The following PTPRD variants were observed in gnomAD, a reference collection of about 807,000 sequenced individuals.
The protein encoded by PTPRD is receptor-type tyrosine-protein phosphatase delta.
PTPRD carries 34 observed loss-of-function variants against 214.5 expected under a neutral mutation model. That is an observed-to-expected ratio of 0.16 (90% CI 0.12 to 0.21). The LOEUF (loss-of-function observed/expected upper bound fraction) is 0.21, where lower values mean the gene tolerates loss of function less well. PTPRD is among the 10% of genes least tolerant of loss of function. The pLI, the probability that PTPRD is intolerant of heterozygous loss-of-function variation, is 1.00. For missense variants in PTPRD, 2,545 were observed against 2,398.7 expected (o/e 1.06, Z -1.27); for synonymous variants, 1,128 against 845.7 (o/e 1.33, Z -5.79).
intron 5 of PTPRD, among the ~76,000 whole-genome samples, chr9:9,837,866 C>A (rs1452524094): frequency 1.3e-5 from 2 of 152,126 alleles, no homozygotes; most frequent in East Asian, 3.9e-4. Flanking sequence ...GCGCTGCACC[C>A]ATTAACTCGT....
intron 10 of PTPRD, among the ~76,000 whole-genome samples, chr9:9,028,271 C>G (rs183334008): frequency 7.2e-5 from 11 of 151,936 alleles, no homozygotes; most frequent in Non-Finnish European, 1.6e-4. Context: ...TAAATTATGT[C>G]TTCCGTAATA....
chr9:10,589,244 C>T (rs1161155811), intron 2 of PTPRD, among the ~76,000 whole-genome samples: 2 of 151,916 alleles, frequency 1.3e-5, no homozygotes, highest in African/African-American at 4.8e-5. Context: ...TCTGGAGAAA[C>T]CTTGTTATCA....
At chr9:9,568,375 T>A (rs891247942) in intron 8 of PTPRD, among the ~76,000 whole-genome samples, 1 of 151,892 alleles carries the variant, frequency 6.6e-6, no homozygotes, top group Non-Finnish European at 1.5e-5. Context: ...GCTTCCTAAG[T>A]TCCACAAATA....
At chr9:8,603,750 A>G in intron 14 of PTPRD, among the ~76,000 whole-genome samples, 1 of 152,228 alleles carries the variant, frequency 6.6e-6, no homozygotes, top group East Asian at 1.9e-4. Context: ...TATCAATAAT[A>G]AAGTATTAAT....
intron 3 of PTPRD, among the ~76,000 whole-genome samples, chr9:10,092,368 G>T (rs1374072025): frequency 1.3e-5 from 2 of 151,240 alleles, no homozygotes; most frequent in Non-Finnish European, 3.0e-5. Flanking sequence ...GAACATTGTA[G>T]ACCAATCCAT....
chr9:9,002,338 G>T (rs990419526), intron 11 of PTPRD, among the ~76,000 whole-genome samples: 2 of 151,804 alleles, frequency 1.3e-5, no homozygotes, highest in African/African-American at 2.4e-5. Flanking sequence ...ATAATGAAAA[G>T]AATTAAAAGA....
chr9:9,816,427 G>T (rs188861074), intron 5 of PTPRD, among the ~76,000 whole-genome samples: 6 of 151,980 alleles, frequency 3.9e-5, no homozygotes. Flanking sequence ...GCTATCTAAT[G>T]CATCATAATT....
chr9:9,090,177 G>C (rs1482856298), intron 10 of PTPRD, among the ~76,000 whole-genome samples: 1 of 152,012 alleles, frequency 6.6e-6, no homozygotes, highest in Non-Finnish European at 1.5e-5. Context: ...TTGTATGTTT[G>C]TACCCATTAA....
chr9:8,948,804 G>T (rs939514606), intron 11 of PTPRD, among the ~76,000 whole-genome samples: 4 of 151,030 alleles, frequency 2.6e-5, no homozygotes, highest in African/African-American at 7.3e-5. Flanking sequence ...GATGGATGAA[G>T]CCATAATTCT....
chr9:9,255,387 C>T (rs1406504522), intron 9 of PTPRD, among the ~76,000 whole-genome samples: 1 of 151,992 alleles, frequency 6.6e-6, no homozygotes, highest in Non-Finnish European at 1.5e-5. Flanking sequence ...CTACTTATAG[C>T]TCAACTCAGG....
rs111841764 is a variant in PTPRD, at chr9:9,739,628, T to TA, written c.-325-5058dup. On this transcript the variant is annotated intron_variant, in intron 6 of 45. Coordinates refer to ENST00000381196, the MANE Select transcript of PTPRD (RefSeq NM_002839.4). ...TCACTGTCACTTTCATCAGTTTATT[T>TA]AAAAAAAAAAGCCAGTTGTGGTTTT... Among the ~76,000 whole-genome samples the TA allele has an allele frequency of 1.5e-4, 23 of 150,602 alleles. 1 individual carries two copies. The highest frequency in any genetic ancestry group is 8.4e-4 in the South Asian group (4 of 4,764).
At chr9:8,686,006 G>A (rs185895320) in intron 12 of PTPRD, among the ~76,000 whole-genome samples, 2 of 152,272 alleles carry the variant, frequency 1.3e-5, no homozygotes, top group African/African-American at 4.8e-5. Context: ...TTGGGGAGAT[G>A]TTCAAAGACA....
At chr9:10,544,108 T>C (rs2059710928) in intron 2 of PTPRD, among the ~76,000 whole-genome samples, 1 of 152,294 alleles carries the variant, frequency 6.6e-6, no homozygotes, top group East Asian at 1.9e-4. Flanking sequence ...GGAACAATAA[T>C]TGTCCTTCCC....
chr9:9,579,754 A>G (rs1474254547), intron 7 of PTPRD, among the ~76,000 whole-genome samples: 2 of 152,148 alleles, frequency 1.3e-5, no homozygotes, highest in Non-Finnish European at 2.9e-5. Context: ...GGTTATATGC[A>G]TATATCACAT....
intron 11 of PTPRD, among the ~76,000 whole-genome samples, chr9:8,908,514 T>G (rs1183625659): frequency 6.6e-6 from 1 of 151,880 alleles, no homozygotes; most frequent in African/African-American, 2.4e-5. Context: ...AGAAGAAATT[T>G]AAAAAAGAAA....
chr9:9,985,381 C>A (rs73406413), intron 4 of PTPRD, among the ~76,000 whole-genome samples: 3,824 of 152,232 alleles, frequency 0.025, 173 homozygotes, highest in African/African-American at 0.087. Flanking sequence ...TTTTAGACCT[C>A]TCCATTCTTT....
chr9:9,321,113 G>A (rs4740975), intron 9 of PTPRD, among the ~76,000 whole-genome samples: 62,290 of 151,970 alleles, frequency 0.41, 13,020 homozygotes, highest in East Asian at 0.54. Flanking sequence ...ACTGCATTAG[G>A]TATCTTCTTG....
At chr9:9,793,436 A>G (rs746466032) in intron 5 of PTPRD, among the ~76,000 whole-genome samples, 1 of 152,266 alleles carries the variant, frequency 6.6e-6, no homozygotes. Context: ...TAAATGTATT[A>G]AAATGCCCAC....
At chr9:10,140,411 G>C (rs1056119303) in intron 3 of PTPRD, among the ~76,000 whole-genome samples, 18 of 151,742 alleles carry the variant, frequency 1.2e-4, no homozygotes, top group Admixed American at 6.6e-4. Context: ...AAATGATAAA[G>C]GGGATATCAC....
Sources: allele counts gnomAD v4.1 joint callset (sites outside exome capture counted in the v4.1 genomes callset), GRCh38; gene constraint gnomAD v4.1.1; transcripts MANE v1.5; gene names NCBI Gene and HGNC (gene_info 2026-07-23, HGNC 2026-07-21).